LRRC49: variants seen among roughly 807,000 people sequenced by gnomAD.
LRRC49 encodes the protein leucine-rich repeat-containing protein 49.
LRRC49 carries 50 observed loss-of-function variants against 83.3 expected under a neutral mutation model. That is an observed-to-expected ratio of 0.60 (90% confidence interval 0.48 to 0.76). The LOEUF (loss-of-function observed/expected upper bound fraction) is 0.76. Ranked by LOEUF, LRRC49 falls within the 30% of genes least tolerant of loss-of-function variation. The pLI, the probability that LRRC49 is intolerant of heterozygous loss-of-function variation, is 0.00. For missense variants in LRRC49, 704 were observed against 809.1 expected, an observed-to-expected ratio of 0.87 and a Z score of 1.58; for synonymous variants, 286 against 283.3, an observed-to-expected ratio of 1.01 and a Z score of -0.10.
At chr15:71,044,886 C>CTTT (rs71152326) in intron 15 of LRRC49, among the ~76,000 whole-genome samples, 46 of 74,494 alleles carry the variant, frequency 6.2e-4, no homozygotes, top group African/African-American at 1.5e-3. Context: ...CAGAAACAAT[C>CTTT]TTTTTTTTTT....
chr15:70,906,765 T>C (rs2034332104), intron 5 of LRRC49, among the ~76,000 whole-genome samples: 1 of 152,262 alleles, frequency 6.6e-6, no homozygotes, highest in African/African-American at 2.4e-5. Flanking sequence ...AATGCCTTTC[T>C]ACTATGTCAT....
chr15:70,892,871 A>C lies in LRRC49; in HGVS notation c.-24A>C, dbSNP rs751263748. On this transcript the variant is annotated 5_prime_UTR_variant, in exon 1 of 16. Coordinates refer to ENST00000260382, the MANE Select transcript of LRRC49 (RefSeq NM_017691.5). Reference sequence around the variant, plus strand: ...GCGTCACCTGGAAGGCAGATCTAACAGAGAACCTGGACTGTCTCCTATCAT... The same window carrying C: ...GCGTCACCTGGAAGGCAGATCTAACCGAGAACCTGGACTGTCTCCTATCAT... 2 of 1,614,082 alleles carry C rather than the reference A, an allele frequency of 1.2e-6. No individual in the cohort carries two copies. Among genetic ancestry groups the C allele is most frequent in the African/African-American group, 2.7e-5 (2 of 74,942 alleles).
intron 14 of LRRC49, among the ~76,000 whole-genome samples, chr15:71,018,186 A>G (rs2038885363): frequency 6.6e-6 from 1 of 152,180 alleles, no homozygotes; most frequent in African/African-American, 2.4e-5. Context: ...AAAACAACAT[A>G]ATAAATATGT....
rs781035902 is a variant in LRRC49, at chr15:70,872,883, CTTTTT to C, written c.-298-7_-298-3del. The C allele has an allele frequency of 2.1e-4, 35 of 166,106 alleles. 1 individual carries two copies. The highest frequency in any genetic ancestry group is 1.3e-3 in the Admixed American group (20 of 15,390). 10.3% of individuals were successfully genotyped at this position (166,106 alleles called of 1,614,324 possible). A position where few individuals can be genotyped will look rare whatever the true frequency, so the allele number is the denominator to read the frequency against. ...AAAATATCTTATAAACTTGACATAA[CTTTTT>C]TTTTTTTTTTTTTTTTTAGATGGAG... On this transcript the variant is annotated intron_variant, in intron 1 of 16. Transcript: ENST00000544974.
At chr15:70,870,483 TTTTTGTTTTG>T (rs199947721) in intron 1 of LRRC49, among the ~76,000 whole-genome samples, 2 of 152,104 alleles carry the variant, frequency 1.3e-5, no homozygotes, top group South Asian at 2.1e-4. Flanking sequence ...TAGGTAATTG[TTTTTGTTTTG>T]TTTTGTTTTG....
chr15:70,997,486 C>T (rs1453643988), intron 11 of LRRC49, among the ~76,000 whole-genome samples: 1 of 152,070 alleles, frequency 6.6e-6, no homozygotes, highest in Non-Finnish European at 1.5e-5. Context: ...AGTGGTGGTT[C>T]ACACCTGTAA....
At chr15:70,901,086 A>T in intron 4 of LRRC49, 62 bp downstream of exon 4, 1 of 918,072 alleles carries the variant, frequency 1.1e-6, no homozygotes, top group Non-Finnish European at 1.7e-6. Flanking sequence ...GTGGTACAAG[A>T]CTTGAAAGAT....
At position 70,995,973 on chromosome 15, in the gene LRRC49, A is replaced by G. The variant is rs550093490; in HGVS notation, c.1169+11716A>G. Among the ~76,000 whole-genome samples the G allele has an allele frequency of 1.5e-4, 23 of 152,284 alleles. 1 individual carries two copies. The South Asian group carries it at 4.1e-3, about 27-fold the overall frequency. On this transcript the variant is annotated intron_variant, in intron 11 of 15. Transcript: ENST00000260382. ...TGGGAGAAGTGATGTGGGGGGTTCA[A>G]TGGAGAGGATGTAAAAAGTAATGAT...
At chr15:70,957,676 A>G (rs955833481) in intron 8 of LRRC49, among the ~76,000 whole-genome samples, 9 of 149,680 alleles carry the variant, frequency 6.0e-5, no homozygotes, top group African/African-American at 2.0e-4. Context: ...TGAGTATTGG[A>G]AAAAAAAATG....
At chr15:70,892,606 C>T, upstream of LRRC49, 1 of 1,457,954 alleles carries the variant, frequency 6.9e-7, no homozygotes, top group Non-Finnish European at 9.0e-7. Flanking sequence ...CCAGTGTGGC[C>T]AGCCTCTTCC....
intron 14 of LRRC49, among the ~76,000 whole-genome samples, chr15:71,036,822 GT>G (rs915093348): frequency 2.6e-5 from 4 of 152,272 alleles, no homozygotes; most frequent in African/African-American, 9.6e-5. Flanking sequence ...TAATTAGCAT[GT>G]TTTATGGGAC....
At position 71,017,228 on chromosome 15, in the gene LRRC49, T is replaced by C. The variant is rs546159616; in HGVS notation, c.1703+4315T>C. Reference sequence around the variant, plus strand: ...TGTAAAGATGCCAATTTATCCTAATTAAATTACAAATTTACTTAATTCCCA... The same window carrying C: ...TGTAAAGATGCCAATTTATCCTAATCAAATTACAAATTTACTTAATTCCCA... On this transcript the variant is annotated intron_variant, in intron 14 of 15. Transcript: ENST00000260382. Among the ~76,000 whole-genome samples the C allele has an allele frequency of 6.6e-5, 10 of 152,310 alleles. No homozygotes were observed. In the South Asian group the frequency reaches 2.1e-3, roughly 32 times the overall value.
chr15:70,938,577 G>T (rs917687193), intron 8 of LRRC49, among the ~76,000 whole-genome samples: 15 of 152,124 alleles, frequency 9.9e-5, no homozygotes, highest in African/African-American at 3.6e-4. Context: ...GGAAAAATCA[G>T]AGAGAACAAC....
chr15:70,897,014 T>G (rs2033868090), intron 3 of LRRC49, among the ~76,000 whole-genome samples: 1 of 152,202 alleles, frequency 6.6e-6, no homozygotes, highest in Non-Finnish European at 1.5e-5. Context: ...CGATCACTGT[T>G]TTAGGTACAG....
intron 8 of LRRC49, among the ~76,000 whole-genome samples, chr15:70,948,707 G>A (rs1295032192): frequency 6.6e-6 from 1 of 152,086 alleles, no homozygotes; most frequent in Non-Finnish European, 1.5e-5. Context: ...TCTGGAATCA[G>A]CCATTTCTCC....
chr15:70,895,067 TCTGAGAAAATAC>T (rs1476961781), intron 2 of LRRC49, among the ~76,000 whole-genome samples: 9 of 152,298 alleles, frequency 5.9e-5, no homozygotes, highest in African/African-American at 2.2e-4. Flanking sequence ...GGACATCTAT[TCTGAGAAAATAC>T]CTTTAGGTCA....
chr15:70,937,680 T>C (rs956045410), intron 8 of LRRC49, among the ~76,000 whole-genome samples: 8 of 152,220 alleles, frequency 5.3e-5, no homozygotes, highest in Admixed American at 2.0e-4. Context: ...GTTTTTTGCA[T>C]GTCTGCCATC....
chr15:70,859,495 T>C, intron 1 of LRRC49: 1 of 690,708 alleles, frequency 1.4e-6, no homozygotes. Context: ...GCATCATTGC[T>C]GAGGTCAAGG....
In LRRC49 at chr15:70,862,577, CAAAAAAA is replaced by C. The variant is rs10623501; in HGVS notation, c.-299+9126_-299+9132del. ...TGGGCGACAGAGCAAGACTCCGTCT[CAAAAAAA>C]AAAAAAAAAAAAAAAAATTCTGATG... On this transcript the variant is annotated intron_variant, in intron 1 of 16. Coordinates refer to the LRRC49 transcript ENST00000544974. 6.5e-5 allele frequency among the ~76,000 whole-genome samples: 4 copies of C among 61,748 alleles called. No homozygotes were observed. The Admixed American group carries it at 8.9e-4, about 14-fold the overall frequency. 40.5% of individuals were successfully genotyped at this position (61,748 alleles called of 152,430 possible).
Sources: allele counts gnomAD v4.1 joint callset (sites outside exome capture counted in the v4.1 genomes callset), GRCh38; gene constraint gnomAD v4.1.1; transcripts MANE v1.5; gene names NCBI Gene and HGNC (gene_info 2026-07-23, HGNC 2026-07-21).